Variants in GLI3 observed in about 807,000 individuals in gnomAD.
GLI3 encodes the protein transcription activator GLI3.
GLI3 carries 20 observed loss-of-function variants against 100.8 expected under a neutral mutation model. The observed-to-expected ratio is 0.20, with a 90% CI of 0.14 to 0.29. The LOEUF (loss-of-function observed/expected upper bound fraction) is 0.29, where lower values mean the gene tolerates loss of function less well. Ranked by LOEUF, GLI3 falls within the 10% of genes least tolerant of loss-of-function variation. The pLI is 1.00. For synonymous variants in GLI3, 938 were observed against 860.5 expected (o/e 1.09, Z -1.58); for missense variants, 2,040 against 2,128.5 (o/e 0.96, Z 0.82).
intron 1 of GLI3, among the ~76,000 whole-genome samples, chr7:42,261,442 T>A (rs1195867260): frequency 1.2e-4 from 2 of 16,690 alleles, no homozygotes; most frequent in African/African-American, 1.5e-4. Flanking sequence ...TCACTCCTCA[T>A]CCATCCATCC....
At chr7:42,155,333 G>A (rs182898519) in intron 2 of GLI3, among the ~76,000 whole-genome samples, 1 of 152,034 alleles carries the variant, frequency 6.6e-6, no homozygotes, top group Non-Finnish European at 1.5e-5. Flanking sequence ...CAGCTACTTA[G>A]GAGTCTGAGG....
At chr7:42,012,676 T>A (rs1788651903) in intron 10 of GLI3, among the ~76,000 whole-genome samples, 1 of 152,122 alleles carries the variant, frequency 6.6e-6, no homozygotes, top group South Asian at 2.1e-4. Context: ...TAATCCCCTC[T>A]TGATCAAGAA....
chr7:42,105,349 A>G (rs980879111), intron 3 of GLI3, among the ~76,000 whole-genome samples: 5 of 152,158 alleles, frequency 3.3e-5, no homozygotes, highest in African/African-American at 1.2e-4. Flanking sequence ...CATCTTTATC[A>G]CCCAAAGTAT....
At chr7:42,125,285 C>T (rs1562744168) in intron 3 of GLI3, among the ~76,000 whole-genome samples, 1 of 152,148 alleles carries the variant, frequency 6.6e-6, no homozygotes, top group Admixed American at 6.5e-5. Flanking sequence ...TTGGACAAAA[C>T]CATCTCATGT....
chr7:42,092,050 G>A lies in GLI3; in HGVS notation c.368-15193C>T, dbSNP rs541583756. ...CCAGTGGCGGCCCAGGCAACAGTGC[G>A]TGGAGCTCACTTCAAAAGCCTTTGC... On this transcript the variant is annotated intron_variant, in intron 3 of 14. Coordinates refer to ENST00000395925, the MANE Select transcript of GLI3 (RefSeq NM_000168.6). 7.5e-4 allele frequency among the ~76,000 whole-genome samples: 115 copies of A among 152,354 alleles called. 1 individual carries two copies. Among genetic ancestry groups the A allele is most frequent in the African/African-American group, 2.6e-3 (107 of 41,584 alleles).
rs1285586325 is a variant in GLI3, at chr7:41,966,254, G to A, written c.2819C>T (p.Pro940Leu). The change falls in exon 15 of 15, where the codon CCG becomes CTG. Residue 940 changes from proline (P) to leucine (L), a missense_variant. Coordinates refer to ENST00000395925, the MANE Select transcript of GLI3 (RefSeq NM_000168.6). The surrounding 1 kb of genome is among the most constrained non-coding windows in gnomAD (Gnocchi z 5.8). ...KAKYAAATGG[P>L]PPTPLPNMER... ...CATGTTGGGCAGGGGCGTCGGCGGC[G>A]GCCCTCCTGTGGCAGCCGCGTACTT... is the stretch of plus-strand genomic sequence containing the variant. 3 of 1,607,954 alleles carry A rather than the reference G, an allele frequency of 1.9e-6. No homozygotes were observed. The highest frequency in any genetic ancestry group is 1.7e-5 in the Admixed American group (1 of 59,956).
rs775586921 is a variant in GLI3, at chr7:42,148,424, C to A, written c.169G>T (p.Ala57Ser). ...ACATTCTGTGGCTGCATAGTGATTG[C>A]GTTTCTTCTCTCTCTGTGATAAGTC... Reference protein sequence around the residue: ...GQTYHRERRNAITMQPQNVQG... With the variant: ...GQTYHRERRNSITMQPQNVQG... Residue 57 changes from alanine to serine, a missense_variant, in exon 3 of 15, where the codon GCA becomes TCA. Physicochemically the swap from Ala to Ser is moderately conservative, Grantham distance 99. Transcript: ENST00000395925. The A allele has an allele frequency of 6.2e-7, 1 of 1,613,698 alleles. No individual in the cohort carries two copies. The highest frequency in any genetic ancestry group is 1.3e-5 in the African/African-American group (1 of 75,030).
At chr7:42,078,377 A>G (rs1562717614) in intron 3 of GLI3, among the ~76,000 whole-genome samples, 1 of 152,194 alleles carries the variant, frequency 6.6e-6, no homozygotes, top group Non-Finnish European at 1.5e-5. Context: ...CTTCAAGAAT[A>G]TAAGACTCTG....
In GLI3 at chr7:42,131,711, G is replaced by C. The variant is rs1046140268; in HGVS notation, c.367+16515C>G. Among the ~76,000 whole-genome samples, 4 of 152,208 alleles carry C rather than the reference G, an allele frequency of 2.6e-5. 1 individual carries two copies. In the South Asian group the frequency reaches 6.2e-4, roughly 24 times the overall value. On this transcript the variant is annotated intron_variant, in intron 3 of 14. Coordinates refer to ENST00000395925, the MANE Select transcript of GLI3 (RefSeq NM_000168.6). ...GAAGATGAGATGTGGATGGCACAGG[G>C]GACCTAACATCTTACTCGTTTTGCT... is the stretch of plus-strand genomic sequence containing the variant.
At chr7:42,108,468 G>A (rs1403572108) in intron 3 of GLI3, among the ~76,000 whole-genome samples, 3 of 152,208 alleles carry the variant, frequency 2.0e-5, no homozygotes, top group Middle Eastern at 3.4e-3. Context: ...GGCGCTTTCC[G>A]CAAACTGGAA....
At position 42,048,701 on chromosome 7, in the gene GLI3, G is replaced by A; in HGVS notation, c.474-5C>T. The A allele has an allele frequency of 6.2e-7, 1 of 1,603,190 alleles. No individual in the cohort carries two copies. The highest frequency in any genetic ancestry group is 1.1e-5 in the South Asian group (1 of 90,562). The stretch of plus-strand genomic sequence containing the variant: ...CTACTAGATAAGGCGGAAGTCCTGG[G>A]TACAAAGAAAACCAGATACAAGGGG... On this transcript the variant is annotated splice_region_variant and splice_polypyrimidine_tract_variant and intron_variant, in intron 4 of 14. Coordinates refer to ENST00000395925, the MANE Select transcript of GLI3 (RefSeq NM_000168.6).
chr7:41,993,173 C>T (rs1391674407), intron 10 of GLI3, among the ~76,000 whole-genome samples: 1 of 152,112 alleles, frequency 6.6e-6, no homozygotes, highest in African/African-American at 2.4e-5. Flanking sequence ...TGAGAGGAAA[C>T]CCGAGGACCA....
At chr7:42,028,276 C>A (rs1789180049) in intron 7 of GLI3, among the ~76,000 whole-genome samples, 1 of 152,162 alleles carries the variant, frequency 6.6e-6, no homozygotes, top group Non-Finnish European at 1.5e-5. Context: ...TTCTAGGAGC[C>A]TAGACTATCT....
intron 10 of GLI3, among the ~76,000 whole-genome samples, chr7:42,001,314 TTAACA>T (rs1353701148): frequency 6.7e-6 from 1 of 148,834 alleles, no homozygotes; most frequent in Non-Finnish European, 1.5e-5. Flanking sequence ...AAAGCACAAG[TTAACA>T]TAATTTTGCC....
At chr7:42,238,461 C>T (rs1788879700), upstream of GLI3, among the ~76,000 whole-genome samples, 2 of 152,212 alleles carry the variant, frequency 1.3e-5, no homozygotes, top group Admixed American at 1.3e-4. Context: ...TTTCTCTCCA[C>T]CGGACTCGTC....
At chr7:42,045,967 G>A (rs1784236484) in intron 5 of GLI3, among the ~76,000 whole-genome samples, 1 of 152,152 alleles carries the variant, frequency 6.6e-6, no homozygotes, top group African/African-American at 2.4e-5. Flanking sequence ...AAGAGTGTCT[G>A]AGTTAACTCT....
At chr7:42,089,007 T>A (rs1785162177) in intron 3 of GLI3, among the ~76,000 whole-genome samples, 1 of 152,190 alleles carries the variant, frequency 6.6e-6, no homozygotes. Flanking sequence ...CTCTCCTCCC[T>A]CTCTACAAAG....
chr7:42,232,553 G>A (rs1688890190), intron 1 of GLI3, among the ~76,000 whole-genome samples: 1 of 152,176 alleles, frequency 6.6e-6, no homozygotes, highest in African/African-American at 2.4e-5. Flanking sequence ...TTGACAAATG[G>A]GCTTTCACAA....
At chr7:42,169,695 G>A (rs1171105363) in intron 2 of GLI3, among the ~76,000 whole-genome samples, 1 of 151,942 alleles carries the variant, frequency 6.6e-6, no homozygotes, top group African/African-American at 2.4e-5. Flanking sequence ...AATAGAGCAA[G>A]TAAAAGTCCT....
Sources: gnomAD v4.1 joint callset for allele counts (sites outside exome capture counted in the v4.1 genomes callset) on GRCh38, gnomAD v4.1.1 for gene constraint, Gnocchi (gnomAD v3.1) non-coding constraint, MANE v1.5 for transcripts, NCBI Gene and HGNC (gene_info 2026-07-23, HGNC 2026-07-21) for gene names.